Variants in RBFOX1 observed in about 807,000 individuals in gnomAD.
RBFOX1 encodes the protein RNA binding fox-1 homolog 1, also known as RNA binding protein fox-1 homolog 1.
A neutral mutation model predicts 57.7 loss-of-function variants in RBFOX1; 8 were observed. The ratio of observed to expected loss-of-function variants is 0.14; its 90% confidence interval spans 0.08 to 0.25. RBFOX1 has a LOEUF of 0.25. Among genes scored for constraint, RBFOX1 ranks in the 10% least tolerant of loss-of-function variants. The probability of loss-of-function intolerance (pLI) is 1.00; values close to 1 mark genes in which losing one functional copy is unlikely to be tolerated. For synonymous variants in RBFOX1, 326 were observed against 222.4 expected, an observed-to-expected ratio of 1.47 and a Z score of -4.15; for missense variants, 611 against 548.5, an observed-to-expected ratio of 1.11 and a Z score of -1.14.
chr16:6,007,285 C>G (rs538600178), intron 4 of RBFOX1, among the ~76,000 whole-genome samples: 2 of 152,332 alleles, frequency 1.3e-5, no homozygotes, highest in African/African-American at 4.8e-5. Flanking sequence ...CGCTTGGATG[C>G]TTGCTCTCCT....
chr16:5,604,273 T>G (rs1379364898), downstream of RBFOX1, among the ~76,000 whole-genome samples: 1 of 152,204 alleles, frequency 6.6e-6, no homozygotes, highest in Non-Finnish European at 1.5e-5. Flanking sequence ...ATTGCTTCGA[T>G]TGGTCATAGG....
intron 1 of RBFOX1, among the ~76,000 whole-genome samples, chr16:5,411,778 G>C (rs1036766381): frequency 3.9e-5 from 6 of 152,012 alleles, no homozygotes; most frequent in African/African-American, 7.2e-5. Flanking sequence ...ATCTACTCTG[G>C]AGGCTGAGGT....
chr16:6,505,188 T>C (rs1025414226), intron 2 of RBFOX1, among the ~76,000 whole-genome samples: 1 of 152,240 alleles, frequency 6.6e-6, no homozygotes, highest in Non-Finnish European at 1.5e-5. Flanking sequence ...GTGGTTGGAT[T>C]TGAAGTATTC....
chr16:6,693,495 CCAT>C (rs1359298588), intron 3 of RBFOX1, among the ~76,000 whole-genome samples: 6 of 151,728 alleles, frequency 4.0e-5, no homozygotes, highest in African/African-American at 9.7e-5. Flanking sequence ...ACCATCACCA[CCAT>C]CATCATCATC....
chr16:7,583,757 G>A (rs1002437332), intron 6 of RBFOX1, among the ~76,000 whole-genome samples: 2 of 151,920 alleles, frequency 1.3e-5, no homozygotes, highest in South Asian at 4.2e-4. Flanking sequence ...GAGGTGGGAG[G>A]GTTGCTTGAG....
chr16:6,529,536 G>A (rs1231178917), intron 2 of RBFOX1, among the ~76,000 whole-genome samples: 1 of 151,412 alleles, frequency 6.6e-6, no homozygotes, highest in Non-Finnish European at 1.5e-5. Flanking sequence ...TGCAGCCTGG[G>A]TGACAGAGAC....
chr16:6,571,682 T>C (rs1219218044), intron 2 of RBFOX1, among the ~76,000 whole-genome samples: 1 of 152,066 alleles, frequency 6.6e-6, no homozygotes, highest in Non-Finnish European at 1.5e-5. Flanking sequence ...CCTCCTGAGA[T>C]CCATTGAATA....
At chr16:7,705,216 G>A (rs1185820813) in intron 14 of RBFOX1, among the ~76,000 whole-genome samples, 1 of 151,990 alleles carries the variant, frequency 6.6e-6, no homozygotes, top group Non-Finnish European at 1.5e-5. Flanking sequence ...GATCAAGAAA[G>A]CCTGTGTGGG....
At chr16:7,003,125 G>C (rs577254253) in intron 3 of RBFOX1, among the ~76,000 whole-genome samples, 16 of 151,998 alleles carry the variant, frequency 1.1e-4, no homozygotes, top group Non-Finnish European at 1.6e-4. Flanking sequence ...TGCGTAAAAT[G>C]GGTTTAAAGA....
chr16:5,743,597 G>C (rs1156980841), intron 3 of RBFOX1, among the ~76,000 whole-genome samples: 2 of 152,104 alleles, frequency 1.3e-5, no homozygotes, highest in Non-Finnish European at 2.9e-5. Flanking sequence ...TAATTTTCCT[G>C]TTTGCTTGTT....
intron 3 of RBFOX1, among the ~76,000 whole-genome samples, chr16:6,999,050 G>C (rs1197192354): frequency 6.6e-6 from 1 of 151,210 alleles, no homozygotes; most frequent in Non-Finnish European, 1.5e-5. Flanking sequence ...TGTATTATTA[G>C]TAGAGACAGG....
intron 1 of RBFOX1, among the ~76,000 whole-genome samples, chr16:6,122,938 A>G (rs1023233246): frequency 5.4e-5 from 8 of 147,056 alleles, no homozygotes; most frequent in Non-Finnish European, 3.0e-5. Context: ...GTAGAAAAAT[A>G]AAACAATTTT....
intron 4 of RBFOX1, among the ~76,000 whole-genome samples, chr16:7,461,998 C>T (rs1233853405): frequency 1.3e-5 from 2 of 152,192 alleles, no homozygotes; most frequent in Non-Finnish European, 2.9e-5. Context: ...AAGAATGAAA[C>T]ATGCTTATTT....
At chr16:7,632,545 AT>A (rs1208616792) in intron 11 of RBFOX1, among the ~76,000 whole-genome samples, 1 of 152,216 alleles carries the variant, frequency 6.6e-6, no homozygotes, top group East Asian at 1.9e-4. Flanking sequence ...ACCTGGGAAC[AT>A]TATTCAACCT....
intron 4 of RBFOX1, among the ~76,000 whole-genome samples, chr16:7,154,604 C>T (rs1330480358): frequency 6.6e-6 from 1 of 151,706 alleles, no homozygotes; most frequent in Non-Finnish European, 1.5e-5. Context: ...TTAGAAGATA[C>T]TGAAAATAGT....
intron 1 of RBFOX1, among the ~76,000 whole-genome samples, chr16:6,299,928 G>A (rs1272854080): frequency 6.6e-6 from 1 of 152,152 alleles, no homozygotes; most frequent in South Asian, 2.1e-4. Context: ...ACCTGCTTGT[G>A]TGCCCCCAGA....
At chr16:6,078,490 GC>G (rs1362910623) in intron 1 of RBFOX1, among the ~76,000 whole-genome samples, 2 of 152,032 alleles carry the variant, frequency 1.3e-5, no homozygotes, top group Non-Finnish European at 2.9e-5. Context: ...TTCCGCCGTG[GC>G]TCAGGGAAGC....
chr16:6,061,574 A>G (rs990570173), intron 1 of RBFOX1, among the ~76,000 whole-genome samples: 5 of 151,700 alleles, frequency 3.3e-5, no homozygotes, highest in Non-Finnish European at 7.4e-5. Context: ...TATACACTAT[A>G]GTATATGTGC....
At chr16:6,890,510 C>T (rs1176137574) in intron 3 of RBFOX1, among the ~76,000 whole-genome samples, 2 of 133,646 alleles carry the variant, frequency 1.5e-5, no homozygotes, top group Non-Finnish European at 3.3e-5. Context: ...CAGAGCGAGA[C>T]TCCATCTCAA....
Sources: allele counts gnomAD v4.1 joint callset (sites outside exome capture counted in the v4.1 genomes callset), GRCh38; gene constraint gnomAD v4.1.1; transcripts MANE v1.5; gene names NCBI Gene and HGNC (gene_info 2026-07-23, HGNC 2026-07-21).